RGS17: variants seen among roughly 807,000 people sequenced by gnomAD.
The protein encoded by RGS17 is regulator of G-protein signaling 17.
In RGS17, 12 loss-of-function variants were observed where a neutral mutation model predicts 25.5. That is an observed-to-expected ratio of 0.47 (90% CI 0.30 to 0.76). The LOEUF is 0.76. RGS17 is among the 30% of genes least tolerant of loss of function. RGS17 has a pLI of 0.07. For missense variants in RGS17, 196 were observed against 242.2 expected, an observed-to-expected ratio of 0.81 and a Z score of 1.27; for synonymous variants, 71 against 76.9, an observed-to-expected ratio of 0.92 and a Z score of 0.40.
At chr6:153,072,544 C>A (rs1776820004) in intron 1 of RGS17, among the ~76,000 whole-genome samples, 1 of 152,136 alleles carries the variant, frequency 6.6e-6, no homozygotes, top group Non-Finnish European at 1.5e-5. Context: ...CAGTTAATAT[C>A]CCTGCACATT....
chr6:153,043,523 A>G (rs1584131071), intron 2 of RGS17, among the ~76,000 whole-genome samples: 1 of 152,200 alleles, frequency 6.6e-6, no homozygotes, highest in East Asian at 1.9e-4. Context: ...ACTACATGCA[A>G]TATTACTAGA....
At chr6:153,034,874 G>A (rs2882101) in intron 2 of RGS17, among the ~76,000 whole-genome samples, 58,354 of 151,918 alleles carry the variant, frequency 0.38, 11,730 homozygotes, top group African/African-American at 0.45. Flanking sequence ...CTTTGGCTGC[G>A]AGCGGCGGCT....
At chr6:153,035,314 A>G (rs1359673495) in intron 2 of RGS17, among the ~76,000 whole-genome samples, 2 of 152,192 alleles carry the variant, frequency 1.3e-5, no homozygotes, top group Non-Finnish European at 1.5e-5. Context: ...TACATGCTAT[A>G]TTTTATAGCA....
At chr6:153,113,403 C>A (rs1030907608) in intron 1 of RGS17, among the ~76,000 whole-genome samples, 46 of 152,080 alleles carry the variant, frequency 3.0e-4, no homozygotes, top group Non-Finnish European at 5.9e-5. Context: ...CATATGCACC[C>A]AATACAGGAG....
At chr6:153,055,229 G>A (rs1354491254) in intron 1 of RGS17, among the ~76,000 whole-genome samples, 1 of 152,136 alleles carries the variant, frequency 6.6e-6, no homozygotes, top group Non-Finnish European at 1.5e-5. Context: ...GAGGGGATTG[G>A]TGTGGGTTTA....
intron 1 of RGS17, among the ~76,000 whole-genome samples, chr6:153,046,848 AC>A (rs778328233): frequency 1.3e-5 from 2 of 152,174 alleles, no homozygotes; most frequent in Non-Finnish European, 2.9e-5. Flanking sequence ...ACTCCCTAGA[AC>A]TGGAAGAAAA....
chr6:153,104,476 TC>T (rs1191461513), intron 1 of RGS17, among the ~76,000 whole-genome samples: 1 of 152,094 alleles, frequency 6.6e-6, no homozygotes, highest in African/African-American at 2.4e-5. Flanking sequence ...ATTAACCAGC[TC>T]CCAGATCTGA....
At chr6:153,076,626 A>G (rs184726329) in intron 1 of RGS17, among the ~76,000 whole-genome samples, 2 of 152,338 alleles carry the variant, frequency 1.3e-5, no homozygotes. Context: ...CAGACAGTAG[A>G]GAAATGCTTA....
intron 1 of RGS17, among the ~76,000 whole-genome samples, chr6:153,075,875 C>T (rs1397702521): frequency 6.6e-6 from 1 of 152,170 alleles, no homozygotes; most frequent in Non-Finnish European, 1.5e-5. Context: ...CCTGCATACA[C>T]ATTTGCTTAC....
At chr6:153,126,096 G>A (rs948803469) in intron 1 of RGS17, among the ~76,000 whole-genome samples, 3 of 152,172 alleles carry the variant, frequency 2.0e-5, no homozygotes, top group Non-Finnish European at 2.9e-5. Context: ...AGTAGTTGAA[G>A]TAAGGTATGA....
chr6:153,015,745 C>T (rs1779175791), intron 4 of RGS17, among the ~76,000 whole-genome samples: 1 of 151,872 alleles, frequency 6.6e-6, no homozygotes, highest in Admixed American at 6.6e-5. Flanking sequence ...GCTCCGCCTC[C>T]CGGGTTCACG....
intron 1 of RGS17, among the ~76,000 whole-genome samples, chr6:153,106,099 T>C (rs973428823): frequency 6.6e-6 from 1 of 152,044 alleles, no homozygotes; most frequent in African/African-American, 2.4e-5. Context: ...ATAGTTTACA[T>C]ATGGGTGTAA....
chr6:153,071,892 G>A (rs1160665322), intron 1 of RGS17, among the ~76,000 whole-genome samples: 2 of 152,116 alleles, frequency 1.3e-5, no homozygotes, highest in Non-Finnish European at 2.9e-5. Context: ...CGAGCACTAA[G>A]TCATGCAATT....
intron 1 of RGS17, among the ~76,000 whole-genome samples, chr6:153,053,958 ATAT>A (rs1776500186): frequency 2.1e-5 from 1 of 46,818 alleles, no homozygotes; most frequent in South Asian, 6.3e-4. Context: ...ATATACATAT[ATAT>A]TATATACATA....
At chr6:153,121,027 T>G (rs897590066) in intron 1 of RGS17, among the ~76,000 whole-genome samples, 1 of 152,106 alleles carries the variant, frequency 6.6e-6, no homozygotes, top group Admixed American at 6.5e-5. Flanking sequence ...ATAGGTCTTA[T>G]CTCTTTATTC....
At chr6:153,085,114 C>CACAGG (rs1742733406) in intron 1 of RGS17, among the ~76,000 whole-genome samples, 1 of 152,074 alleles carries the variant, frequency 6.6e-6, no homozygotes, top group South Asian at 2.1e-4. Context: ...ATACAAATGG[C>CACAGG]ACAGGACATA....
intron 1 of RGS17, among the ~76,000 whole-genome samples, chr6:153,107,381 T>G (rs1281270680): frequency 6.6e-6 from 1 of 152,190 alleles, no homozygotes; most frequent in Non-Finnish European, 1.5e-5. Context: ...CCATGTTCTC[T>G]CCAAACACCT....
intron 1 of RGS17, among the ~76,000 whole-genome samples, chr6:153,068,167 A>G (rs1222552048): frequency 6.6e-6 from 1 of 152,172 alleles, no homozygotes; most frequent in African/African-American, 2.4e-5. Context: ...ATCAAAATGA[A>G]TTAAAGGTGG....
At chr6:153,062,716 G>A (rs758395011) in intron 1 of RGS17, among the ~76,000 whole-genome samples, 19 of 152,124 alleles carry the variant, frequency 1.2e-4, no homozygotes, top group Admixed American at 5.2e-4. Context: ...ACAGCTTGTG[G>A]TTCCAAAATA....
Sources: gnomAD v4.1 joint callset for allele counts (sites outside exome capture counted in the v4.1 genomes callset) on GRCh38, gnomAD v4.1.1 for gene constraint, MANE v1.5 for transcripts, NCBI Gene and HGNC (gene_info 2026-07-23, HGNC 2026-07-21) for gene names.